RGS6: variants seen among roughly 807,000 people sequenced by gnomAD.
The protein encoded by RGS6 is regulator of G-protein signaling 6.
RGS6 carries 30 observed loss-of-function variants against 78.5 expected under a neutral mutation model. The observed-to-expected ratio is 0.38, with a 90% CI of 0.29 to 0.52. RGS6 has a LOEUF of 0.52. Ranked by LOEUF, RGS6 falls within the 20% of genes least tolerant of loss-of-function variation. The pLI, the probability that RGS6 is intolerant of heterozygous loss-of-function variation, is 0.85. For synonymous variants in RGS6, 206 were observed against 206.0 expected, an observed-to-expected ratio of 1.00 and a Z score of 0.00; for missense variants, 495 against 609.7, an observed-to-expected ratio of 0.81 and a Z score of 1.98.
At chr14:72,532,701 AG>A (rs1232137364) in intron 15 of RGS6, among the ~76,000 whole-genome samples, 1 of 152,242 alleles carries the variant, frequency 6.6e-6, no homozygotes, top group African/African-American at 2.4e-5. Context: ...ATATGGAGAC[AG>A]TTTTAGTGGT....
At chr14:71,960,811 C>A (rs762451397) in intron 1 of RGS6, among the ~76,000 whole-genome samples, 95 of 152,316 alleles carry the variant, frequency 6.2e-4, no homozygotes, top group Non-Finnish European at 7.6e-4. Context: ...GTGTGCATAG[C>A]CTTGGCTGGA....
chr14:71,876,561 A>G, the RGS6 span, among the ~76,000 whole-genome samples: 3 of 122,312 alleles, frequency 2.5e-5, no homozygotes, highest in South Asian at 5.2e-4. Flanking sequence ...TTTTGAGCCT[A>G]TGTATGTCTC....
intron 2 of RGS6, among the ~76,000 whole-genome samples, chr14:72,336,191 A>G (rs1484074669): frequency 1.3e-5 from 2 of 152,222 alleles, no homozygotes; most frequent in Admixed American, 6.5e-5. Context: ...TATCTATGCC[A>G]TAAGTATAAG....
intron 2 of RGS6, among the ~76,000 whole-genome samples, chr14:72,037,174 C>T (rs555545738): frequency 2.6e-5 from 4 of 152,254 alleles, no homozygotes; most frequent in Admixed American, 6.5e-5. Context: ...CCAATCAGCA[C>T]TCTGTAAAAT....
chr14:71,871,405 A>T, the RGS6 span, among the ~76,000 whole-genome samples: 1 of 152,250 alleles, frequency 6.6e-6, no homozygotes, highest in Middle Eastern at 3.4e-3. Context: ...TATTCCCCAA[A>T]TGATTTCCAT....
chr14:72,404,048 A>G (rs187808406), intron 3 of RGS6, among the ~76,000 whole-genome samples: 1 of 152,322 alleles, frequency 6.6e-6, no homozygotes, highest in Admixed American at 6.5e-5. Context: ...CGGCCATACA[A>G]GAAGGTTTCC....
At position 72,199,743 on chromosome 14, in the gene RGS6, T is replaced by C. The variant is rs183728818; in HGVS notation, c.85-152352T>C. Among the ~76,000 whole-genome samples the C allele has an allele frequency of 8.8e-3, 1,335 of 152,316 alleles. 18 individuals carry two copies. Among genetic ancestry groups the C allele is most frequent in the Non-Finnish European group, 0.014 (949 of 68,016 alleles). On this transcript the variant is annotated intron_variant, in intron 2 of 17. Transcript: ENST00000553525. ...TAGAACCAGATCCTTTGTAAGATGT[T>C]ATGATGTACAGGGTCTAAGTGGTGG...
chr14:71,982,723 A>G lies in RGS6; in HGVS notation c.84+17848A>G, dbSNP rs558381421. Among the ~76,000 whole-genome samples, 60 of 152,328 alleles carry G rather than the reference A, an allele frequency of 3.9e-4. 1 individual carries two copies. Among genetic ancestry groups the G allele is most frequent in the African/African-American group, 1.3e-3 (56 of 41,578 alleles). On this transcript the variant is annotated intron_variant, in intron 2 of 17. Coordinates refer to ENST00000553525, the MANE Select transcript of RGS6 (RefSeq NM_001204424.2). ...CTCTTGAGAAGAACAAGCAGCTCCA[A>G]TTGCTGGGCTCATCTTCTTAGTTTT...
chr14:71,873,542 GCC>G, the RGS6 span, among the ~76,000 whole-genome samples: 1 of 152,096 alleles, frequency 6.6e-6, no homozygotes, highest in Non-Finnish European at 1.5e-5. Flanking sequence ...CTGGATATTA[GCC>G]CTTTGTCAGA....
At chr14:72,336,352 TC>T (rs537562240) in intron 2 of RGS6, among the ~76,000 whole-genome samples, 47 of 152,158 alleles carry the variant, frequency 3.1e-4, no homozygotes, top group Non-Finnish European at 4.9e-4. Context: ...TTCATTCTTA[TC>T]CCCTAACATT....
At chr14:72,141,774 C>T (rs1270962803) in intron 2 of RGS6, among the ~76,000 whole-genome samples, 1 of 152,028 alleles carries the variant, frequency 6.6e-6, no homozygotes, top group African/African-American at 2.4e-5. Context: ...GAACACATCT[C>T]TGTATATTCC....
chr14:71,970,050 A>G (rs899703333), intron 2 of RGS6, among the ~76,000 whole-genome samples: 1 of 152,230 alleles, frequency 6.6e-6, no homozygotes, highest in Non-Finnish European at 1.5e-5. Flanking sequence ...AATATTCAAC[A>G]GTGGAATTTA....
chr14:71,987,599 C>A (rs888255254), intron 2 of RGS6, among the ~76,000 whole-genome samples: 2 of 152,072 alleles, frequency 1.3e-5, no homozygotes, highest in Non-Finnish European at 2.9e-5. Context: ...GATCTTGGCT[C>A]ACTCAGCCTT....
intron 2 of RGS6, among the ~76,000 whole-genome samples, chr14:72,281,621 G>A (rs1350160368): frequency 6.6e-6 from 1 of 152,174 alleles, no homozygotes; most frequent in Non-Finnish European, 1.5e-5. Context: ...GGTTGGTGAG[G>A]GAAGGCCTCT....
intron 2 of RGS6, among the ~76,000 whole-genome samples, chr14:72,116,170 T>C (rs1460506269): frequency 6.6e-6 from 1 of 152,164 alleles, no homozygotes. Context: ...ATGCAAATAA[T>C]ATACAAATAT....
intron 2 of RGS6, among the ~76,000 whole-genome samples, chr14:72,339,574 C>A (rs571888048): frequency 1.3e-5 from 2 of 152,040 alleles, no homozygotes; most frequent in Non-Finnish European, 2.9e-5. Context: ...ATGCTGCCTT[C>A]TATGTAAAGA....
At chr14:72,469,770 C>G in intron 7 of RGS6, 1 of 398,196 alleles carries the variant, frequency 2.5e-6, no homozygotes, top group Non-Finnish European at 4.5e-6. Flanking sequence ...AGAGAGGAAT[C>G]AGGTGAACCA....
At chr14:72,139,940 C>T (rs2096513525) in intron 2 of RGS6, among the ~76,000 whole-genome samples, 1 of 152,076 alleles carries the variant, frequency 6.6e-6, no homozygotes, top group Non-Finnish European at 1.5e-5. Flanking sequence ...TCCCACTTGA[C>T]TCTCAGTTAT....
At chr14:72,070,515 G>A (rs1262085990) in intron 2 of RGS6, among the ~76,000 whole-genome samples, 8 of 152,178 alleles carry the variant, frequency 5.3e-5, no homozygotes, top group African/African-American at 1.9e-4. Context: ...CAGGAATGTA[G>A]CTTGACTTAC....
Sources: allele counts gnomAD v4.1 joint callset (sites outside exome capture counted in the v4.1 genomes callset), GRCh38; gene constraint gnomAD v4.1.1; transcripts MANE v1.5; gene names NCBI Gene and HGNC (gene_info 2026-07-23, HGNC 2026-07-21).